RAB27B: variants seen among roughly 807,000 people sequenced by gnomAD.
RAB27B encodes the protein ras-related protein Rab-27B.
RAB27B carries 15 observed loss-of-function variants against 24.6 expected under a neutral mutation model. The observed-to-expected ratio is 0.61, with a 90% CI of 0.41 to 0.94. The LOEUF (loss-of-function observed/expected upper bound fraction) is 0.94, where lower values mean the gene tolerates loss of function less well. RAB27B is among the 40% of genes least tolerant of loss of function. The probability of loss-of-function intolerance (pLI) is 0.00; values close to 1 mark genes in which losing one functional copy is unlikely to be tolerated. For synonymous variants in RAB27B, 105 were observed against 92.5 expected (o/e 1.14, Z -0.78); for missense variants, 261 against 266.8 (o/e 0.98, Z 0.15).
chr18:54,787,259 G>A (rs1219562407), intron 2 of RAB27B, among the ~76,000 whole-genome samples: 3 of 152,208 alleles, frequency 2.0e-5, no homozygotes, highest in Non-Finnish European at 2.9e-5. Flanking sequence ...ATCTGGAGTT[G>A]TAGTTCACTG....
intron 1 of RAB27B, among the ~76,000 whole-genome samples, chr18:54,839,438 A>G (rs1031037466): frequency 2.6e-5 from 4 of 152,194 alleles, no homozygotes; most frequent in African/African-American, 9.6e-5. Context: ...AAAGTAACAA[A>G]CATTCTCCCA....
At chr18:54,825,570 T>C (rs540400965), upstream of RAB27B, among the ~76,000 whole-genome samples, 2 of 152,336 alleles carry the variant, frequency 1.3e-5, no homozygotes, top group East Asian at 3.9e-4. Context: ...ATGTTGAGTA[T>C]ATTTTCAATT....
intron 2 of RAB27B, among the ~76,000 whole-genome samples, chr18:54,796,141 G>T (rs1263453118): frequency 2.0e-5 from 3 of 152,074 alleles, no homozygotes; most frequent in Non-Finnish European, 4.4e-5. Context: ...TCGCTCCTTT[G>T]GCTGCCCCAC....
intron 1 of RAB27B, among the ~76,000 whole-genome samples, chr18:54,865,355 C>A (rs1819891): frequency 0.97 from 147,718 of 151,954 alleles, 71,931 homozygotes; most frequent in East Asian, 1. Context: ...TAGTTGGTAC[C>A]TAAGAATTGC....
At chr18:54,848,335 G>A (rs1221045922) in intron 1 of RAB27B, among the ~76,000 whole-genome samples, 1 of 152,088 alleles carries the variant, frequency 6.6e-6, no homozygotes, top group Non-Finnish European at 1.5e-5. Flanking sequence ...AGCAATTTTT[G>A]CACTATAGAG....
At chr18:54,849,721 A>AAAAC (rs1041247604) in intron 1 of RAB27B, among the ~76,000 whole-genome samples, 1 of 152,156 alleles carries the variant, frequency 6.6e-6, no homozygotes, top group Non-Finnish European at 1.5e-5. Flanking sequence ...ACTCTGTCTC[A>AAAAC]AAACAAACAA....
chr18:54,752,863 A>G (rs551846947), intron 2 of RAB27B, among the ~76,000 whole-genome samples: 4 of 152,260 alleles, frequency 2.6e-5, no homozygotes, highest in East Asian at 1.9e-4. Flanking sequence ...CAAGCTATCC[A>G]CTTGGCTGTC....
chr18:54,885,256 C>A (rs1041318795), intron 4 of RAB27B, among the ~76,000 whole-genome samples: 4 of 152,260 alleles, frequency 2.6e-5, no homozygotes, highest in Admixed American at 6.5e-5. Context: ...CTTATCATTT[C>A]CAGATTTGTC....
intron 2 of RAB27B, among the ~76,000 whole-genome samples, chr18:54,730,617 C>T (rs1909699985): frequency 6.6e-6 from 1 of 151,956 alleles, no homozygotes; most frequent in Non-Finnish European, 1.5e-5. Flanking sequence ...GCTTGGTGCC[C>T]TCCCGTGGTT....
intron 3 of RAB27B, among the ~76,000 whole-genome samples, chr18:54,882,447 A>G (rs950111240): frequency 6.6e-6 from 1 of 152,188 alleles, no homozygotes; most frequent in Admixed American, 6.5e-5. Context: ...AACAATCGCA[A>G]TGGAGCCTTA....
chr18:54,880,225 A>G (rs1216195176), intron 3 of RAB27B: 2 of 152,208 alleles, frequency 1.3e-5, no homozygotes, highest in Non-Finnish European at 2.9e-5. Flanking sequence ...GCTTTCCAGC[A>G]TTGTCTCTGG....
chr18:54,727,462 T>A lies in RAB27B; in HGVS notation c.-20+9321T>A, dbSNP rs548853182. On this transcript the variant is annotated intron_variant, in intron 2 of 4. Transcript: ENST00000586570. ...TATGATTTGGGATTTCCTTAGTGGGTGAATAAGGGCAGGCAATTAAGGTCC... is the reference window on the plus strand; with the variant it reads ...TATGATTTGGGATTTCCTTAGTGGGAGAATAAGGGCAGGCAATTAAGGTCC... 3.3e-5 allele frequency among the ~76,000 whole-genome samples: 5 copies of A among 152,276 alleles called. No individual in the cohort carries two copies. The South Asian group carries it at 1.0e-3, about 32-fold the overall frequency.
intron 1 of RAB27B, among the ~76,000 whole-genome samples, chr18:54,834,196 G>A (rs1057368735): frequency 1.3e-5 from 2 of 152,142 alleles, no homozygotes; most frequent in Non-Finnish European, 2.9e-5. Context: ...TAAAGCAAAT[G>A]TTTAATATCC....
Position 54,804,141 on chromosome 18 carries a change from C to T in RAB27B, c.-19-73426C>T, listed in dbSNP as rs894537729. Reference sequence around the variant, plus strand: ...ATCAGAATCTACAATTTAAATTCTCCATGAGATGCCTATGCACATTAAAGT... The same window carrying T: ...ATCAGAATCTACAATTTAAATTCTCTATGAGATGCCTATGCACATTAAAGT... On this transcript the variant is annotated intron_variant, in intron 2 of 4. Transcript: ENST00000586570. 2.6e-5 allele frequency among the ~76,000 whole-genome samples: 4 copies of T among 152,264 alleles called. No homozygotes were observed. The East Asian group carries it at 7.7e-4, about 29-fold the overall frequency.
At chr18:54,743,153 C>A (rs1910122003) in intron 2 of RAB27B, among the ~76,000 whole-genome samples, 1 of 152,212 alleles carries the variant, frequency 6.6e-6, no homozygotes, top group Non-Finnish European at 1.5e-5. Flanking sequence ...CACTACTCTG[C>A]AGCATCTCAT....
Position 54,804,891 on chromosome 18 carries a change from TCTCTTTCTCTCTCTC to T in RAB27B, c.-19-72675_-19-72661del, listed in dbSNP as rs1568072590. ...TTTTTTTCTTTTTTCTTTCTTTCTT[TCTCTTTCTCTCTCTC>T]TTTCTTTCTTTCTTTCTTTCTTTCT... On this transcript the variant is annotated intron_variant, in intron 2 of 4. Coordinates refer to the RAB27B transcript ENST00000586570. 2.0e-4 allele frequency among the ~76,000 whole-genome samples: 16 copies of T among 78,698 alleles called. 1 individual carries two copies. Among genetic ancestry groups the T allele is most frequent in the Middle Eastern group, 7.8e-3 (1 of 128 alleles). The allele number at this position is 78,698 out of a possible 152,430, so 51.6% of individuals were successfully genotyped here.
intron 2 of RAB27B, among the ~76,000 whole-genome samples, chr18:54,763,476 G>T (rs1908260631): frequency 6.6e-6 from 1 of 152,094 alleles, no homozygotes. Flanking sequence ...GCTATGATGG[G>T]TTGCATGATT....
At chr18:54,746,346 T>C (rs1002650185) in intron 2 of RAB27B, among the ~76,000 whole-genome samples, 2 of 152,192 alleles carry the variant, frequency 1.3e-5, no homozygotes, top group Non-Finnish European at 2.9e-5. Context: ...AGAATGTTAC[T>C]GCTATTGGGA....
intron 1 of RAB27B, among the ~76,000 whole-genome samples, chr18:54,866,308 C>T (rs910154377): frequency 2.6e-5 from 4 of 151,666 alleles, no homozygotes; most frequent in East Asian, 2.0e-4. Context: ...CCGCGCCCTG[C>T]GCTCCAATAT....
Sources: gnomAD v4.1 joint callset for allele counts (sites outside exome capture counted in the v4.1 genomes callset) on GRCh38, gnomAD v4.1.1 for gene constraint, MANE v1.5 for transcripts, NCBI Gene and HGNC (gene_info 2026-07-23, HGNC 2026-07-21) for gene names.